The following EFHB variants were observed in gnomAD, a reference collection of about 807,000 sequenced individuals.
EFHB encodes EF-hand domain-containing family member B.
EFHB carries 91 observed loss-of-function variants against 87.2 expected under a neutral mutation model. The ratio of observed to expected loss-of-function variants is 1.04; its 90% CI spans 0.88 to 1.24. EFHB has a LOEUF of 1.24. EFHB is among the 50% of genes most tolerant of loss of function. The probability of loss-of-function intolerance (pLI) is 0.00; values close to 1 mark genes in which losing one functional copy is unlikely to be tolerated. For synonymous variants in EFHB, 325 were observed against 333.6 expected (o/e 0.97, Z 0.28); for missense variants, 1,084 against 998.8 (o/e 1.09, Z -1.15).
At chr3:19,912,566 G>C (rs1695099301) in intron 5 of EFHB, among the ~76,000 whole-genome samples, 1 of 152,096 alleles carries the variant, frequency 6.6e-6, no homozygotes, top group Non-Finnish European at 1.5e-5. Flanking sequence ...AACACACAGA[G>C]TAGTATAACA....
chr3:19,945,945 T>A (rs1047021214), intron 1 of EFHB: 1 of 152,198 alleles, frequency 6.6e-6, no homozygotes, highest in South Asian at 2.1e-4. Context: ...GTAGCCTTTA[T>A]TCTGAAGGAA....
Position 19,888,497 on chromosome 3 carries a change from T to G in EFHB, c.1880A>C (p.Asn627Thr). 6.4e-7 allele frequency: 1 copy of G among 1,573,108 alleles called. No homozygotes were observed. The highest frequency in any genetic ancestry group is 1.2e-5 in the South Asian group (1 of 85,946). ...TTTAAGAAGCATTTTGTCTTTCCAG[T>G]TAAGAAAATTTGCGAATTCCAGATA... ...INYLEFANFL[N>T]WKDKMLLKEY... Residue 627 changes from asparagine (N) to threonine (T), a missense_variant, in exon 10 of 13, where the codon AAC (asparagine) becomes ACC (threonine). By Grantham distance (65) the Asn-to-Thr change is moderately conservative. Coordinates refer to ENST00000295824, the MANE Select transcript of EFHB (RefSeq NM_144715.4).
intron 1 of EFHB, among the ~76,000 whole-genome samples, chr3:19,930,528 A>G (rs1695792798): frequency 6.6e-6 from 1 of 152,236 alleles, no homozygotes; most frequent in South Asian, 2.1e-4. Context: ...TCTTCAGTAT[A>G]TTATAATCTG....
intron 1 of EFHB, among the ~76,000 whole-genome samples, chr3:19,944,133 G>C (rs895848422): frequency 6.6e-6 from 1 of 152,160 alleles, no homozygotes; most frequent in African/African-American, 2.4e-5. Context: ...CCGTTGGTTT[G>C]TCTCCAGGAA....
chr3:19,926,608 T>C (rs6785528), intron 1 of EFHB, among the ~76,000 whole-genome samples: 96,579 of 151,656 alleles, frequency 0.64, 31,182 homozygotes, highest in African/African-American at 0.69. Flanking sequence ...CGTGATCCCG[T>C]CTCGGCCTCC....
upstream of EFHB, chr3:19,936,002 C>G (rs546782027): frequency 4.2e-5 from 35 of 838,320 alleles, no homozygotes; most frequent in African/African-American, 7.3e-4. Flanking sequence ...GAGTGAGACT[C>G]CATCTCAAAA....
intron 5 of EFHB, among the ~76,000 whole-genome samples, chr3:19,909,774 G>C (rs541679263): frequency 2.6e-5 from 4 of 152,286 alleles, no homozygotes; most frequent in African/African-American, 9.6e-5. Flanking sequence ...GGCACTGTGG[G>C]ACTCAGGAGG....
intron 1 of EFHB, chr3:19,941,480 G>C (rs4241540): frequency 0.4 from 63,159 of 157,974 alleles, 13,166 homozygotes; most frequent in African/African-American, 0.52. Context: ...GGTTGTCAGT[G>C]TTTTCCACCT....
At chr3:19,946,887 A>T (rs1696301326) in intron 1 of EFHB, 1 of 152,322 alleles carries the variant, frequency 6.6e-6, no homozygotes, top group African/African-American at 2.4e-5. Flanking sequence ...CCTAAATAAC[A>T]ATGGCGCTGG....
intron 1 of EFHB, among the ~76,000 whole-genome samples, chr3:19,925,020 C>A (rs12634563): frequency 1.3e-5 from 2 of 151,814 alleles, no homozygotes; most frequent in East Asian, 1.9e-4. Context: ...CCGAGGTGGG[C>A]GGATCACGAG....
chr3:19,931,739 A>G (rs1057321792), intron 1 of EFHB, among the ~76,000 whole-genome samples: 1 of 152,146 alleles, frequency 6.6e-6, no homozygotes, highest in African/African-American at 2.4e-5. Flanking sequence ...CCATTTAATC[A>G]TCCGGGTTTC....
At chr3:19,882,516 A>T (rs1287771702) in intron 12 of EFHB, 34 bp downstream of exon 12, 3 of 1,440,242 alleles carry the variant, frequency 2.1e-6, no homozygotes, top group Non-Finnish European at 2.8e-6. Context: ...TGATAGAGAA[A>T]ACATTTCCAT....
At chr3:19,908,594 G>GAGAGAA (rs1694935413) in intron 5 of EFHB, among the ~76,000 whole-genome samples, 3 of 91,354 alleles carry the variant, frequency 3.3e-5, no homozygotes, top group Non-Finnish European at 6.2e-5. Flanking sequence ...GAGAGAGAGA[G>GAGAGAA]AGAGAGAAAG....
chr3:19,917,743 T>C (rs1236029044), intron 4 of EFHB, among the ~76,000 whole-genome samples: 1 of 152,218 alleles, frequency 6.6e-6, no homozygotes, highest in East Asian at 1.9e-4. Context: ...GGAAGTCAAC[T>C]ATGCACTCTG....
intron 5 of EFHB, among the ~76,000 whole-genome samples, chr3:19,910,132 G>A (rs1235284101): frequency 6.6e-6 from 1 of 151,978 alleles, no homozygotes; most frequent in Non-Finnish European, 1.5e-5. Context: ...GGCCACAGGG[G>A]AGCAGAGCAC....
At chr3:19,902,430 C>T (rs1181293357) in intron 6 of EFHB, among the ~76,000 whole-genome samples, 1 of 152,182 alleles carries the variant, frequency 6.6e-6, no homozygotes, top group African/African-American at 2.4e-5. Context: ...TCTCAGCTCA[C>T]TTAAACCTCC....
intron 9 of EFHB, among the ~76,000 whole-genome samples, chr3:19,891,643 TAGC>T (rs1694309692): frequency 6.6e-6 from 1 of 152,156 alleles, no homozygotes; most frequent in Admixed American, 6.5e-5. Context: ...AACAATAAAA[TAGC>T]AGATTAAAGA....
intron 7 of EFHB, among the ~76,000 whole-genome samples, chr3:19,899,167 A>C (rs1393620902): frequency 6.6e-6 from 1 of 152,232 alleles, no homozygotes; most frequent in African/African-American, 2.4e-5. Context: ...TAAACACAGT[A>C]AGTTAAATCT....
At position 19,918,512 on chromosome 3, in the gene EFHB, G is replaced by T. The variant is rs977284242; in HGVS notation, c.997-100C>A. The T allele has an allele frequency of 5.5e-6, 6 of 1,099,608 alleles. No homozygotes were observed. In the East Asian group the frequency reaches 1.6e-4, roughly 30 times the overall value. The allele number at this position is 1,099,608 out of a possible 1,614,324, so 68.1% of individuals were successfully genotyped here. On this transcript the variant is annotated intron_variant, in intron 3 of 12. Transcript: ENST00000295824. ...GCTGGGGAGAGGAGACTGTACGATTGTGGGAAAACATTTCATTATCATTAT... is the reference window on the plus strand; with the variant it reads ...GCTGGGGAGAGGAGACTGTACGATTTTGGGAAAACATTTCATTATCATTAT...
Sources: allele counts gnomAD v4.1 joint callset (sites outside exome capture counted in the v4.1 genomes callset), GRCh38; gene constraint gnomAD v4.1.1; transcripts MANE v1.5; gene names NCBI Gene and HGNC (gene_info 2026-07-23, HGNC 2026-07-21).